The following PKP2 variants were observed in gnomAD, a reference collection of about 807,000 sequenced individuals.
PKP2 encodes the protein plakophilin-2.
A neutral mutation model predicts 83.4 loss-of-function variants in PKP2; 73 were observed. That is an observed-to-expected ratio of 0.88 (90% CI 0.72 to 1.06). The LOEUF (loss-of-function observed/expected upper bound fraction) is 1.06, where lower values mean the gene tolerates loss of function less well. PKP2 is among the 50% of genes least tolerant of loss of function. PKP2 has a pLI of 0.00. For missense variants in PKP2, 966 were observed against 1,065.4 expected, an observed-to-expected ratio of 0.91 and a Z score of 1.30; for synonymous variants, 409 against 430.4, an observed-to-expected ratio of 0.95 and a Z score of 0.62.
chr12:32,806,507 T>C (rs1956227268), intron 9 of PKP2, among the ~76,000 whole-genome samples: 1 of 152,204 alleles, frequency 6.6e-6, no homozygotes, highest in Admixed American at 6.5e-5. Context: ...TGCATAGAGG[T>C]ATTCATAGTA....
At chr12:32,813,921 C>T (rs1956299238) in intron 9 of PKP2, among the ~76,000 whole-genome samples, 1 of 152,108 alleles carries the variant, frequency 6.6e-6, no homozygotes, top group South Asian at 2.1e-4. Flanking sequence ...TTACTATTTT[C>T]TAATGTTTGT....
At chr12:32,887,407 T>G (rs545669171) in intron 1 of PKP2, among the ~76,000 whole-genome samples, 9 of 152,330 alleles carry the variant, frequency 5.9e-5, no homozygotes, top group African/African-American at 2.2e-4. Flanking sequence ...GGGGCAATCC[T>G]CAAATCACTG....
At chr12:32,890,800 AAT>A (rs1957069958) in intron 1 of PKP2, among the ~76,000 whole-genome samples, 1 of 152,058 alleles carries the variant, frequency 6.6e-6, no homozygotes, top group South Asian at 2.1e-4. Context: ...CTCTACTAAA[AAT>A]ACAAAAAATT....
chr12:32,859,385 T>C (rs759116113), intron 4 of PKP2, among the ~76,000 whole-genome samples: 1 of 152,204 alleles, frequency 6.6e-6, no homozygotes, highest in African/African-American at 2.4e-5. Context: ...AGTTTATGCA[T>C]GCAAGATGAT....
Position 32,845,424 on chromosome 12 carries a change from T to C in PKP2, c.1379-4219A>G, listed in dbSNP as rs181722818. 9.0e-3 allele frequency among the ~76,000 whole-genome samples: 1,372 copies of C among 152,094 alleles called. 25 individuals carry two copies. The highest frequency in any genetic ancestry group is 0.028 in the African/African-American group (1,164 of 41,486). ...AAAATTAGCCAGGCGTGGTGGCGGG[T>C]GCCTGTAGTCCCATCTACTTGGGAG... On this transcript the variant is annotated intron_variant, in intron 5 of 12. Transcript: ENST00000340811.
chr12:32,799,774 G>A (rs1046131195), intron 10 of PKP2, among the ~76,000 whole-genome samples: 4 of 152,150 alleles, frequency 2.6e-5, no homozygotes, highest in African/African-American at 9.7e-5. Context: ...GGATTTTGGG[G>A]ACTTGGGGGA....
chr12:32,795,927 G>A (rs1956116260), intron 11 of PKP2, among the ~76,000 whole-genome samples, 182 bp downstream of exon 11: 1 of 152,180 alleles, frequency 6.6e-6, no homozygotes, highest in Admixed American at 6.5e-5. Context: ...GTGGTGTGGT[G>A]GATTCAGTTC....
At chr12:32,867,705 G>A (rs528570772) in intron 4 of PKP2, among the ~76,000 whole-genome samples, 45 of 152,254 alleles carry the variant, frequency 3.0e-4, no homozygotes, top group African/African-American at 1.0e-3. Flanking sequence ...TCAATCAACT[G>A]TTTCAACAAT....
Position 32,841,205 on chromosome 12 carries a change from C to A in PKP2, c.1379G>T (p.Gly460Val), listed in dbSNP as rs755399089. The A allele has an allele frequency of 6.2e-7, 1 of 1,612,642 alleles. No individual in the cohort carries two copies. The highest frequency in any genetic ancestry group is 1.7e-5 in the Admixed American group (1 of 60,004). ...RDLETKKQIT[G>V]LLWNLSSNDK... Reference sequence around the variant, plus strand: ...ATTAGATGACAAATTCCACAGCAAACCTAGAAAAGCACAGAGTTACCATGA... The same window carrying A: ...ATTAGATGACAAATTCCACAGCAAAACTAGAAAAGCACAGAGTTACCATGA... Residue 460 changes from glycine to valine, a missense_variant and splice_region_variant, in exon 6 of 13, where the codon GGT (glycine) becomes GTT (valine). Transcript: ENST00000340811.
chr12:32,801,517 G>C (rs1956178369), intron 10 of PKP2, among the ~76,000 whole-genome samples: 1 of 152,126 alleles, frequency 6.6e-6, no homozygotes, highest in Non-Finnish European at 1.5e-5. Flanking sequence ...CTGCTGGCTG[G>C]CTTTGAAAAT....
rs940544521 is a variant in PKP2, at chr12:32,864,376, A to G, written c.1170+4551T>C. On this transcript the variant is annotated intron_variant, in intron 4 of 12. Coordinates refer to ENST00000340811, the MANE Select transcript of PKP2 (RefSeq NM_001005242.3). ...TATATATATTATATATATATTATCT[A>G]TTCTATATACTAGCAATGAACAACC... is the stretch of plus-strand genomic sequence containing the variant. Among the ~76,000 whole-genome samples the G allele has an allele frequency of 2.7e-5, 4 of 149,970 alleles. No homozygotes were observed. The East Asian group carries it at 7.8e-4, about 29-fold the overall frequency.
chr12:32,802,298 C>T (rs1473147428), intron 10 of PKP2, 105 bp downstream of exon 10: 5 of 1,178,936 alleles, frequency 4.2e-6, no homozygotes, highest in Admixed American at 1.7e-5. Flanking sequence ...CTCCTTACTC[C>T]CATTTCCAGT....
At chr12:32,817,492 A>G (rs916325980) in intron 9 of PKP2, among the ~76,000 whole-genome samples, 2 of 152,152 alleles carry the variant, frequency 1.3e-5, no homozygotes, top group African/African-American at 4.8e-5. Context: ...CAACTCTTCT[A>G]TATTTTCTGG....
At chr12:32,877,060 T>C (rs546887840) in intron 3 of PKP2, among the ~76,000 whole-genome samples, 2 of 152,340 alleles carry the variant, frequency 1.3e-5, no homozygotes, top group Non-Finnish European at 2.9e-5. Flanking sequence ...ATTAGACAAC[T>C]TTAGCAATCA....
At chr12:32,842,123 A>AT (rs1227122255) in intron 5 of PKP2, among the ~76,000 whole-genome samples, 11 of 151,988 alleles carry the variant, frequency 7.2e-5, no homozygotes, top group South Asian at 2.1e-4. Context: ...TACGTTTAGG[A>AT]TTTTTTTTGT....
intron 6 of PKP2, among the ~76,000 whole-genome samples, chr12:32,826,230 C>A (rs1000110100): frequency 6.9e-6 from 1 of 145,082 alleles, no homozygotes; most frequent in African/African-American, 2.6e-5. Flanking sequence ...GGTGTGAACT[C>A]GGAAGGTGGA....
intron 4 of PKP2, among the ~76,000 whole-genome samples, chr12:32,852,331 T>C (rs751860165): frequency 6.6e-6 from 1 of 152,190 alleles, no homozygotes; most frequent in Non-Finnish European, 1.5e-5. Context: ...ATATTTTCTA[T>C]GTACCAAGTT....
intron 1 of PKP2, among the ~76,000 whole-genome samples, chr12:32,889,851 C>T (rs528620422): frequency 1.3e-5 from 2 of 151,866 alleles, no homozygotes; most frequent in East Asian, 1.9e-4. Context: ...GAGGCCGAGG[C>T]GGGTGGATCG....
At chr12:32,796,956 T>G (rs1956131570) in intron 10 of PKP2, among the ~76,000 whole-genome samples, 1 of 152,140 alleles carries the variant, frequency 6.6e-6, no homozygotes, top group African/African-American at 2.4e-5. Flanking sequence ...CAGAGATCTT[T>G]ATGACAGTAC....
Sources: gnomAD v4.1 joint callset for allele counts (sites outside exome capture counted in the v4.1 genomes callset) on GRCh38, gnomAD v4.1.1 for gene constraint, MANE v1.5 for transcripts, NCBI Gene and HGNC (gene_info 2026-07-23, HGNC 2026-07-21) for gene names.